Variants in PCNX3 observed in about 807,000 individuals in gnomAD.
The protein encoded by PCNX3 is pecanex 3, also known as pecanex-like protein 3.
Under a neutral mutation model 207.2 loss-of-function variants are expected in PCNX3, and 58 were observed. The ratio of observed to expected loss-of-function variants is 0.28; its 90% confidence interval spans 0.23 to 0.35. The LOEUF (loss-of-function observed/expected upper bound fraction) is 0.35. Among genes scored for constraint, PCNX3 ranks in the 10% least tolerant of loss-of-function variants. PCNX3 has a pLI of 1.00. For synonymous variants in PCNX3, 1,337 were observed against 1,183.5 expected, an observed-to-expected ratio of 1.13 and a Z score of -2.66; for missense variants, 2,410 against 2,774.4, an observed-to-expected ratio of 0.87 and a Z score of 2.95.
chr11:65,625,118 C>G lies in PCNX3; in HGVS notation c.2920-53C>G. On this transcript the variant is annotated intron_variant, in intron 16 of 34. Transcript: ENST00000355703. This position sits in a 1 kb window ranked among gnomAD's most constrained non-coding sequence, Gnocchi z 5.6. ...CAGTGGCTTCTCACACGGGGGCAGC[C>G]CGGGCCCCATGCTTACCTCACCTCC... The G allele has an allele frequency of 6.4e-7, 1 of 1,556,716 alleles. No homozygotes were observed.
intron 26 of PCNX3, 128 bp downstream of exon 26, chr11:65,629,863 G>A (rs1855550093): frequency 1.0e-6 from 1 of 1,001,064 alleles, no homozygotes; most frequent in Admixed American, 2.1e-5. Flanking sequence ...CTTGGGCAAG[G>A]CACTCCTCCT....
In PCNX3 at chr11:65,619,606, A is replaced by C; in HGVS notation, c.1775A>C (p.His592Pro). The C allele has an allele frequency of 6.2e-7, 1 of 1,606,470 alleles. No individual in the cohort carries two copies. The highest frequency in any genetic ancestry group is 1.1e-5 in the South Asian group (1 of 90,568). Reference sequence around the variant, plus strand: ...CGGACCCAGGCCATTCGGAGACGCCACAATGCAGGCAGCAACCCCACCCCT... The same window carrying C: ...CGGACCCAGGCCATTCGGAGACGCCCCAATGCAGGCAGCAACCCCACCCCT... The part of the protein sequence containing the change: ...VRRTQAIRRR[H>P]NAGSNPTPPA... The change falls in exon 7 of 35, where the codon CAC becomes CCC. Residue 592 changes from histidine to proline, a missense_variant. Transcript: ENST00000355703.
At chr11:65,623,439 C>G (rs903797867) in intron 11 of PCNX3, 52 bp from the exon 12 acceptor site, 7 of 1,528,020 alleles carry the variant, frequency 4.6e-6, no homozygotes, top group Non-Finnish European at 6.2e-6. Flanking sequence ...CCCCACTGCC[C>G]CACTGGAAGG....
In PCNX3 at chr11:65,624,335, C is replaced by T. The variant is rs751896259; in HGVS notation, c.2685C>T (p.Ser895=). 3 of 1,559,716 alleles carry T rather than the reference C, an allele frequency of 1.9e-6. No homozygotes were observed. Among genetic ancestry groups the T allele is most frequent in the South Asian group, 1.2e-5 (1 of 84,668 alleles). ...ACGGCCTCACGCTCTTCTCTGCCTC[C>T]TTCTTCTTCTGTGCCCGAGACGTGG... The part of the protein sequence containing the change: ...SLYGLTLFSA[S]FFFCARDVAT... Residue 895 remains serine (S), a synonymous_variant, in exon 14 of 35, where the codon TCC becomes TCT. Transcript: ENST00000355703.
At chr11:65,623,800 G>T in intron 12 of PCNX3, 129 bp from the exon 13 acceptor site, 1 of 1,534,818 alleles carries the variant, frequency 6.5e-7, no homozygotes. Flanking sequence ...GAAAACTGAG[G>T]CTCAGGACAG....
At chr11:65,631,831 G>A (rs1177812754) in intron 27 of PCNX3, among the ~76,000 whole-genome samples, 1 of 152,066 alleles carries the variant, frequency 6.6e-6, no homozygotes, top group Non-Finnish European at 1.5e-5. Context: ...TGCCACCTAG[G>A]TTCTCTCTGG....
At position 65,626,990 on chromosome 11, in the gene PCNX3, A is replaced by G. The variant is rs762346656; in HGVS notation, c.3466A>G (p.Asn1156Asp). Residue 1156 changes from asparagine to aspartate, a missense_variant, in exon 21 of 35, where the codon AAC (asparagine) becomes GAC (aspartate). Transcript: ENST00000355703. ...CCTCATCTACCCCGCCGTGGTGCTCAACGCCCTCACGGTGGACGCCCACAC... is the reference window on the plus strand; with the variant it reads ...CCTCATCTACCCCGCCGTGGTGCTCGACGCCCTCACGGTGGACGCCCACAC... The part of the protein sequence containing the change: ...KYLIYPAVVL[N>D]ALTVDAHTVV... 6.4e-7 allele frequency: 1 copy of G among 1,554,326 alleles called. No homozygotes were observed. The highest frequency in any genetic ancestry group is 1.2e-5 in the South Asian group (1 of 84,224).
Position 65,636,504 on chromosome 11 carries a change from C to T in PCNX3, c.5707C>T (p.Pro1903Ser), listed in dbSNP as rs747886009. The T allele has an allele frequency of 7.0e-6, 11 of 1,581,388 alleles. No individual in the cohort carries two copies. Among genetic ancestry groups the T allele is most frequent in the Non-Finnish European group, 9.4e-6 (11 of 1,165,554 alleles). ...PLLQWPPPRL[P>S]GPPPASPIPT... Reference sequence around the variant, plus strand: ...GCTGCAGTGGCCTCCCCCTCGGCTCCCTGGACCACCCCCTGCATCGCCTAT... The same window carrying T: ...GCTGCAGTGGCCTCCCCCTCGGCTCTCTGGACCACCCCCTGCATCGCCTAT... The change falls in exon 34 of 35, where the codon CCT (proline) becomes TCT (serine). Residue 1903 changes from proline (P) to serine (S), a missense_variant. This residue lies in a region of PCNX3 where 278 missense variants were observed against 245.1 expected (regional missense o/e 1.13). Coordinates refer to ENST00000355703, the MANE Select transcript of PCNX3 (RefSeq NM_032223.4).
rs554825785 is a variant in PCNX3 at position 65,616,121 on chromosome 11, C to T, written c.-191C>T. On this transcript the variant is annotated 5_prime_UTR_variant, in exon 1 of 35. Transcript: ENST00000355703. Reference sequence around the variant, plus strand: ...ACCCCCGCGTCCGGGCCTTGCACCACTGACTGTCCCGGCCGGCCCCGCCCC... The same window carrying T: ...ACCCCCGCGTCCGGGCCTTGCACCATTGACTGTCCCGGCCGGCCCCGCCCC... 4.5e-5 allele frequency: 17 copies of T among 381,558 alleles called. No homozygotes were observed. Among genetic ancestry groups the T allele is most frequent in the African/African-American group, 3.4e-4 (16 of 47,146 alleles). 23.6% of individuals were successfully genotyped at this position (381,558 alleles called of 1,614,324 possible).
At chr11:65,626,352 T>C (rs781245752) in intron 20 of PCNX3, 1 of 591,930 alleles carries the variant, frequency 1.7e-6, no homozygotes, top group South Asian at 1.5e-5. Flanking sequence ...GGATCTCTTG[T>C]CCAGAATTAA....
rs1855279239 is a variant in PCNX3, at chr11:65,624,537, T to C, written c.2783T>C (p.Met928Thr). ...GLLPQVNTCLMYLLEQIDMHG... is the reference protein window; with the variant it reads ...GLLPQVNTCLTYLLEQIDMHG... Reference sequence around the variant, plus strand: ...CTGCCCCAGGTCAACACCTGCCTCATGTACCTGCTGGAGCAAATAGATATG... The same window carrying C: ...CTGCCCCAGGTCAACACCTGCCTCACGTACCTGCTGGAGCAAATAGATATG... The change falls in exon 15 of 35, where the codon ATG (methionine) becomes ACG (threonine). Residue 928 changes from methionine (M) to threonine (T), a missense_variant. Transcript: ENST00000355703. 3.7e-6 allele frequency: 6 copies of C among 1,609,060 alleles called. No individual in the cohort carries two copies. Among genetic ancestry groups the C allele is most frequent in the Non-Finnish European group, 5.1e-6 (6 of 1,177,774 alleles).
chr11:65,623,721 G>A, intron 12 of PCNX3, 77 bp downstream of exon 12: 7 of 1,574,164 alleles, frequency 4.4e-6, no homozygotes, highest in Non-Finnish European at 5.2e-6. Context: ...CCAGTTTTAA[G>A]GAGTATAAGC....
rs767388897 is a variant in PCNX3, at chr11:65,636,903, C to T, written c.6030C>T (p.Ala2010=). The T allele has an allele frequency of 6.4e-7, 1 of 1,556,100 alleles. No homozygotes were observed. Among genetic ancestry groups the T allele is most frequent in the South Asian group, 1.2e-5 (1 of 84,390 alleles). The part of the protein sequence containing the change: ...SAPESGTPMG[A]LGDWPAPIEE... ...CTGAGAGTGGCACACCTATGGGTGC[C>T]CTGGGCGACTGGCCTGCCCCTATTG... Residue 2010 remains alanine (A), a synonymous_variant, in exon 35 of 35, where the codon GCC becomes GCT. Transcript: ENST00000355703.
At position 65,618,726 on chromosome 11, in the gene PCNX3, CT is replaced by C; in HGVS notation, c.1365del (p.Glu456ArgfsTer49). ...DSSSSTSCYSPESSRGAAGGP... is the reference protein window; with the variant it reads ...DSSSSTSCYSXESSRGAAGGP... Reference sequence around the variant, plus strand: ...TCCTCTTCTACTTCCTGCTACTCCCCTGAGAGCTCCCGGGGTGCAGCAGGGG... The same window carrying C: ...TCCTCTTCTACTTCCTGCTACTCCCCGAGAGCTCCCGGGGTGCAGCAGGGG... On this transcript the variant is annotated frameshift_variant, in exon 6 of 35. Coordinates refer to ENST00000355703, the MANE Select transcript of PCNX3 (RefSeq NM_032223.4). LOFTEE classifies it high-confidence loss of function. 1.2e-6 allele frequency: 2 copies of C among 1,612,694 alleles called. No individual in the cohort carries two copies. The highest frequency in any genetic ancestry group is 1.7e-6 in the Non-Finnish European group (2 of 1,179,450).
intron 15 of PCNX3, 141 bp from the exon 16 acceptor site, chr11:65,624,784 G>A (rs895943324): frequency 4.1e-6 from 4 of 973,482 alleles, no homozygotes; most frequent in Middle Eastern, 2.2e-4. Flanking sequence ...AGGCCGCTTG[G>A]GGCTTGGGGC....
rs573132608 is a variant in PCNX3 at position 65,620,419 on chromosome 11, A to C, written c.2089A>C (p.Asn697His). Reference sequence around the variant, plus strand: ...AGGGCAGCAAGGGGAGCAGACAGCTAATGGAGCCTGGTGAGTTCCCAAGCC... The same window carrying C: ...AGGGCAGCAAGGGGAGCAGACAGCTCATGGAGCCTGGTGAGTTCCCAAGCC... ...PVGQQGEQTA[N>H]GAWDRHSHSS... Residue 697 changes from asparagine (N) to histidine (H), a missense_variant, in exon 9 of 35, where the codon AAT becomes CAT. Physicochemically the swap from Asn to His is moderately conservative, Grantham distance 68. Coordinates refer to ENST00000355703, the MANE Select transcript of PCNX3 (RefSeq NM_032223.4). 1 of 1,612,900 alleles carries C rather than the reference A, an allele frequency of 6.2e-7. No homozygotes were observed. Among genetic ancestry groups the C allele is most frequent in the South Asian group, 1.1e-5 (1 of 91,062 alleles).
chr11:65,637,199 C>T lies in PCNX3; in HGVS notation c.*221C>T. ...AGGGCCTGGGCTCCCCAGATGGAGGCAGTCAGCCTCCCAGCCAGGCCCTAA... is the reference window on the plus strand; with the variant it reads ...AGGGCCTGGGCTCCCCAGATGGAGGTAGTCAGCCTCCCAGCCAGGCCCTAA... On this transcript the variant is annotated 3_prime_UTR_variant, in exon 35 of 35. Transcript: ENST00000355703. The T allele has an allele frequency of 1.7e-6, 1 of 580,082 alleles. No homozygotes were observed. The highest frequency in any genetic ancestry group is 2.1e-5 in the South Asian group (1 of 47,338). The allele number at this position is 580,082 out of a possible 1,614,324, so 35.9% of individuals were successfully genotyped here. A position where few individuals can be genotyped will look rare whatever the true frequency, so the allele number is the denominator to read the frequency against.
At chr11:65,619,325 A>G (rs1004697483) in intron 6 of PCNX3, 3 of 595,464 alleles carry the variant, frequency 5.0e-6, no homozygotes, top group African/African-American at 4.0e-5. Flanking sequence ...TCATCCTCCC[A>G]CCACCAGTGG....
rs1315754533 is a variant in PCNX3 at position 65,618,418 on chromosome 11, G to C, written c.1056G>C (p.Gly352=). The C allele has an allele frequency of 1.1e-5, 17 of 1,612,298 alleles. No individual in the cohort carries two copies. Among genetic ancestry groups the C allele is most frequent in the Non-Finnish European group, 1.4e-5 (17 of 1,179,716 alleles). Residue 352 remains glycine, a synonymous_variant, in exon 6 of 35, where the codon GGG becomes GGC. Transcript: ENST00000355703. ...EAELPASPDA[G]VPSDDTLRSF... is the part of the protein sequence containing the mutation. ...AGCTGCCTGCCTCACCAGACGCCGG[G>C]GTCCCCTCAGATGACACGCTGCGTT...
Sources: allele counts gnomAD v4.1 joint callset (sites outside exome capture counted in the v4.1 genomes callset), GRCh38; gene constraint gnomAD v4.1.1; regional missense constraint gnomAD v4.1.1; non-coding constraint Gnocchi (gnomAD v3.1); transcripts MANE v1.5; gene names NCBI Gene and HGNC (gene_info 2026-07-23, HGNC 2026-07-21).